ELAVL4: variants seen among roughly 807,000 people sequenced by gnomAD.
The protein encoded by ELAVL4 is ELAV like RNA binding protein 4.
Under a neutral mutation model 35.6 loss-of-function variants are expected in ELAVL4, and 1 was observed. The ratio of observed to expected loss-of-function variants is 0.03; its 90% CI spans 0.01 to 0.13. The LOEUF (loss-of-function observed/expected upper bound fraction) is 0.13. Among genes scored for constraint, ELAVL4 ranks in the 10% least tolerant of loss-of-function variants. ELAVL4 has a pLI of 1.00. For missense variants in ELAVL4, 267 were observed against 464.9 expected, an observed-to-expected ratio of 0.57 and a Z score of 3.91; for synonymous variants, 156 against 171.0, an observed-to-expected ratio of 0.91 and a Z score of 0.69.
rs142467255 is a variant in ELAVL4, at chr1:50,146,506, A to G, written c.250+1309A>G. ...GTCTACTGCACAGTGGTCCCTCAGT[A>G]AATAAATCTATTATTGTAAGTACAG... On this transcript the variant is annotated intron_variant, in intron 2 of 6. Transcript: ENST00000371824. Among the ~76,000 whole-genome samples, 1,250 of 152,304 alleles carry G rather than the reference A, an allele frequency of 8.2e-3. 54 individuals are homozygous for G. The highest frequency in any genetic ancestry group is 0.076 in the Admixed American group (1,168 of 15,284).
chr1:50,172,358 A>G (rs1045238568), intron 2 of ELAVL4, among the ~76,000 whole-genome samples: 9 of 152,240 alleles, frequency 5.9e-5, no homozygotes, highest in African/African-American at 2.2e-4. Flanking sequence ...TTCACAGCAG[A>G]TTCAAAAAGC....
upstream of ELAVL4, chr1:50,106,056 A>G: frequency 2.5e-6 from 1 of 395,294 alleles, no homozygotes; most frequent in Non-Finnish European, 4.5e-6. Context: ...ATGGAAGTCA[A>G]GGAAATACAA....
intron 1 of ELAVL4, among the ~76,000 whole-genome samples, chr1:50,131,041 A>G (rs1024789205): frequency 2.0e-5 from 3 of 152,190 alleles, no homozygotes; most frequent in Non-Finnish European, 4.4e-5. Context: ...AGAGTTTACC[A>G]AACAAATTTT....
intron 3 of ELAVL4, chr1:50,180,399 T>C (rs556415873): frequency 6.6e-6 from 1 of 152,292 alleles, no homozygotes; most frequent in East Asian, 1.9e-4. Flanking sequence ...AAATTTGTGG[T>C]CCCATTTCTG....
At chr1:50,115,125 C>T (rs561747678) in intron 1 of ELAVL4, 4 of 152,142 alleles carry the variant, frequency 2.6e-5, no homozygotes, top group African/African-American at 9.6e-5. Context: ...ACCCTTGAGA[C>T]TGTCTTTGCT....
At chr1:50,054,723 G>A (rs1401152301) in intron 1 of ELAVL4, among the ~76,000 whole-genome samples, 3 of 152,078 alleles carry the variant, frequency 2.0e-5, no homozygotes, top group African/African-American at 7.2e-5. Context: ...TAAGTTTTGG[G>A]CTGAGTATCT....
At chr1:50,193,525 A>G (rs1237592160) in intron 3 of ELAVL4, among the ~76,000 whole-genome samples, 1 of 152,142 alleles carries the variant, frequency 6.6e-6, no homozygotes, top group Non-Finnish European at 1.5e-5. Context: ...CTGCACTTAG[A>G]GACCCTTATC....
chr1:50,159,107 A>G (rs1437542695), intron 2 of ELAVL4, among the ~76,000 whole-genome samples: 1 of 151,744 alleles, frequency 6.6e-6, no homozygotes, highest in Non-Finnish European at 1.5e-5. Flanking sequence ...CAGGATTGTT[A>G]TTTCAGGAAC....
Position 50,109,015 on chromosome 1 carries a change from T to TCGGGGCGC in ELAVL4, c.-174_-173insGGGGCGCC. ...GCTCCTTTTCTTTTTTTTCTTTCTC[T>TCGGGGCGC]CCCCCGCCCACCCCCCCAAAAATAA... On this transcript the variant is annotated 5_prime_UTR_variant, in exon 1 of 7. Coordinates refer to ENST00000371824, the MANE Select transcript of ELAVL4 (RefSeq NM_001144774.3). 1 of 961,072 alleles carries TCGGGGCGC rather than the reference T, an allele frequency of 1.0e-6. No homozygotes were observed. Among genetic ancestry groups the TCGGGGCGC allele is most frequent in the Non-Finnish European group, 1.2e-6 (1 of 816,952 alleles). 59.5% of individuals were successfully genotyped at this position (961,072 alleles called of 1,614,324 possible).
chr1:50,179,585 A>G (rs1680690111), intron 3 of ELAVL4: 1 of 152,182 alleles, frequency 6.6e-6, no homozygotes. Context: ...GATAAGTGAC[A>G]TGAGATCTAT....
intron 2 of ELAVL4, among the ~76,000 whole-genome samples, chr1:50,169,058 T>C (rs1188117714): frequency 6.6e-6 from 1 of 151,800 alleles, no homozygotes; most frequent in African/African-American, 2.4e-5. Context: ...ACAGGTTGTC[T>C]GAAAGCTGAG....
At chr1:50,089,746 C>A (rs1302297596) in intron 1 of ELAVL4, among the ~76,000 whole-genome samples, 5 of 152,196 alleles carry the variant, frequency 3.3e-5, no homozygotes, top group Non-Finnish European at 5.9e-5. Context: ...CAGAGTGAGA[C>A]TTTATCTCTA....
At chr1:50,151,002 C>G (rs1469496830) in intron 2 of ELAVL4, among the ~76,000 whole-genome samples, 1 of 152,188 alleles carries the variant, frequency 6.6e-6, no homozygotes, top group African/African-American at 2.4e-5. Context: ...TGAGTACTTA[C>G]TGTGTGCCAA....
intron 1 of ELAVL4, among the ~76,000 whole-genome samples, chr1:50,119,264 A>G (rs1461147029): frequency 1.3e-5 from 2 of 151,926 alleles, no homozygotes; most frequent in African/African-American, 4.8e-5. Flanking sequence ...TGGTTTTTAG[A>G]CTGTGTTTGT....
chr1:50,200,780 C>T (rs571718980), intron 6 of ELAVL4, 71 bp from the exon 7 acceptor site: 2 of 1,568,928 alleles, frequency 1.3e-6, no homozygotes, highest in Non-Finnish European at 1.7e-6. Flanking sequence ...ATGTCTGTGT[C>T]TGTGCATCTG....
chr1:50,094,740 T>C (rs1665642107), intron 1 of ELAVL4, among the ~76,000 whole-genome samples: 1 of 54,016 alleles, frequency 1.9e-5, no homozygotes, highest in Non-Finnish European at 3.7e-5. Context: ...ACCCTGTCTC[T>C]ACAATAAATA....
upstream of ELAVL4, among the ~76,000 whole-genome samples, chr1:50,104,793 G>A (rs1272814893): frequency 6.6e-6 from 1 of 152,168 alleles, no homozygotes; most frequent in East Asian, 1.9e-4. Context: ...TTTTTGTTCA[G>A]GTGGTTCTAT....
chr1:50,094,141 G>A (rs1665613545), intron 1 of ELAVL4, among the ~76,000 whole-genome samples: 1 of 152,182 alleles, frequency 6.6e-6, no homozygotes. Context: ...CGATTTGGAA[G>A]CTTTGTCTAG....
intron 1 of ELAVL4, among the ~76,000 whole-genome samples, chr1:50,084,041 G>A (rs967659914): frequency 5.3e-5 from 8 of 152,148 alleles, no homozygotes; most frequent in Non-Finnish European, 1.2e-4. Context: ...GCAGTGGAAA[G>A]GCATTTGACT....
Sources: allele counts gnomAD v4.1 joint callset (sites outside exome capture counted in the v4.1 genomes callset), GRCh38; gene constraint gnomAD v4.1.1; transcripts MANE v1.5; gene names NCBI Gene and HGNC (gene_info 2026-07-23, HGNC 2026-07-21).